The following SLC38A9 variants were observed in gnomAD, a reference collection of about 807,000 sequenced individuals.
SLC38A9 encodes solute carrier family 38 member 9.
SLC38A9 carries 48 observed loss-of-function variants against 62.3 expected under a neutral mutation model. That is an observed-to-expected ratio of 0.77 (90% CI 0.61 to 0.98). SLC38A9 has a LOEUF of 0.98. SLC38A9 is among the 50% of genes least tolerant of loss of function. The probability of loss-of-function intolerance (pLI) is 0.00; values close to 1 mark genes in which losing one functional copy is unlikely to be tolerated. For missense variants in SLC38A9, 541 were observed against 679.8 expected (o/e 0.80, Z 2.27); for synonymous variants, 204 against 227.7 (o/e 0.90, Z 0.94).
At chr5:55,667,560 G>A (rs1750672798) in intron 7 of SLC38A9, among the ~76,000 whole-genome samples, 1 of 4,816 alleles carries the variant, frequency 2.1e-4, no homozygotes, top group Non-Finnish European at 3.6e-4. Context: ...CTTATCTTAG[G>A]CACAGGATAT....
At chr5:55,684,632 T>C (rs2408209) in intron 3 of SLC38A9, among the ~76,000 whole-genome samples, 83,086 of 152,012 alleles carry the variant, frequency 0.55, 24,053 homozygotes, top group South Asian at 0.65. Flanking sequence ...AAGACTCTGG[T>C]TTTTGTTGTT....
chr5:55,696,789 C>A (rs181426302), intron 3 of SLC38A9: 71,647 of 142,456 alleles, frequency 0.5, 18,261 homozygotes, highest in Non-Finnish European at 0.6. Context: ...GGTGGAGAGG[C>A]TCCTCACTTC....
Position 55,678,808 on chromosome 5 carries a change from G to A in SLC38A9, c.114-6113C>T, listed in dbSNP as rs182967558. On this transcript the variant is annotated intron_variant, in intron 3 of 15. Coordinates refer to ENST00000396865, the MANE Select transcript of SLC38A9 (RefSeq NM_173514.4). ...CCCGAGTAGCTGGGACTACAGGCAT[G>A]TGCCACATGCCTGATTAATTTTTTT... Among the ~76,000 whole-genome samples, 15 of 151,820 alleles carry A rather than the reference G, an allele frequency of 9.9e-5. No individual in the cohort carries two copies. The East Asian group carries it at 2.9e-3, about 29-fold the overall frequency.
rs1283174181 is a variant in SLC38A9 at position 55,669,222 on chromosome 5, T to G, written c.526+6A>C. 1.2e-6 allele frequency: 2 copies of G among 1,605,258 alleles called. No homozygotes were observed. The highest frequency in any genetic ancestry group is 1.7e-6 in the Non-Finnish European group (2 of 1,174,746). On this transcript the variant is annotated splice_donor_region_variant and intron_variant, in intron 7 of 15. Transcript: ENST00000396865. ...ATAATCTATTGTCACTGTGTCAAAT[T>G]CTTACACATCATAGTCCGTGATTTC... is the stretch of plus-strand genomic sequence containing the variant.
intron 3 of SLC38A9, among the ~76,000 whole-genome samples, chr5:55,679,706 T>G (rs1004381355): frequency 6.6e-6 from 1 of 152,168 alleles, no homozygotes; most frequent in Non-Finnish European, 1.5e-5. Flanking sequence ...TCTAGGTTGA[T>G]GTAAACAGTA....
chr5:55,649,228 G>T lies in SLC38A9; in HGVS notation c.1039C>A (p.Pro347Thr), dbSNP rs759594755. Residue 347 changes from proline to threonine, a missense_variant, in exon 11 of 16, where the codon CCA (proline) becomes ACA (threonine). Coordinates refer to ENST00000396865, the MANE Select transcript of SLC38A9 (RefSeq NM_173514.4). ...GFHLEFHWFIPTEFFVPEIRF... is the reference protein window; with the variant it reads ...GFHLEFHWFITTEFFVPEIRF... ...TCACCTGGTACAAAAAATTCTGTTG[G>T]TATAAACCAATGAAATTCCAAATGA... 1 of 1,604,710 alleles carries T rather than the reference G, an allele frequency of 6.2e-7. No individual in the cohort carries two copies. The highest frequency in any genetic ancestry group is 8.5e-7 in the Non-Finnish European group (1 of 1,175,850).
chr5:55,705,575 T>G (rs1449160426), intron 2 of SLC38A9, among the ~76,000 whole-genome samples: 1 of 152,226 alleles, frequency 6.6e-6, no homozygotes, highest in Non-Finnish European at 1.5e-5. Flanking sequence ...AAATGTTATT[T>G]CCAGTATACT....
chr5:55,663,763 G>C (rs1750021819), intron 8 of SLC38A9, among the ~76,000 whole-genome samples: 1 of 151,812 alleles, frequency 6.6e-6, no homozygotes, highest in South Asian at 2.1e-4. Context: ...AAAAATGCTT[G>C]GCAATAAAAA....
intron 3 of SLC38A9, among the ~76,000 whole-genome samples, chr5:55,686,084 C>T (rs763578263): frequency 1.8e-4 from 28 of 152,098 alleles, no homozygotes; most frequent in Non-Finnish European, 1.0e-4. Context: ...TTGCAGTGAA[C>T]GTATGTGTAC....
chr5:55,707,735 T>C (rs1757465946), intron 2 of SLC38A9, among the ~76,000 whole-genome samples: 1 of 152,240 alleles, frequency 6.6e-6, no homozygotes, highest in Admixed American at 6.5e-5. Context: ...CAGCTATGAT[T>C]TGAATGTTTG....
intron 3 of SLC38A9, among the ~76,000 whole-genome samples, chr5:55,689,441 A>G (rs764650606): frequency 6.6e-6 from 1 of 152,220 alleles, no homozygotes; most frequent in Non-Finnish European, 1.5e-5. Context: ...TGCCTCCATC[A>G]ATTCAATAAT....
chr5:55,639,870 A>G (rs1161678341), intron 12 of SLC38A9, among the ~76,000 whole-genome samples: 1 of 151,972 alleles, frequency 6.6e-6, no homozygotes, highest in Non-Finnish European at 1.5e-5. Context: ...GTAATTATTA[A>G]TATTTTAAGA....
intron 9 of SLC38A9, among the ~76,000 whole-genome samples, chr5:55,654,898 C>T (rs1379149305): frequency 6.6e-6 from 1 of 152,020 alleles, no homozygotes; most frequent in Non-Finnish European, 1.5e-5. Flanking sequence ...AGGGCAGTGG[C>T]GTAACTATGG....
Position 55,666,899 on chromosome 5 carries a change from C to T in SLC38A9, c.527-2036G>A, listed in dbSNP as rs1271251166. Among the ~76,000 whole-genome samples, 7 of 152,184 alleles carry T rather than the reference C, an allele frequency of 4.6e-5. No homozygotes were observed. The East Asian group carries it at 1.4e-3, about 29-fold the overall frequency. ...GCGTGGTGGTGGGTGCCTGTAGTTC[C>T]AGCTACTCGGGAGGCTGAGGCAGGA... On this transcript the variant is annotated intron_variant, in intron 7 of 15. Coordinates refer to ENST00000396865, the MANE Select transcript of SLC38A9 (RefSeq NM_173514.4).
intron 7 of SLC38A9, 37 bp from the exon 8 acceptor site, chr5:55,664,900 G>A: frequency 1.5e-6 from 2 of 1,365,958 alleles, no homozygotes; most frequent in Non-Finnish European, 2.0e-6. Context: ...ACTAAATGTT[G>A]AACATATATT....
chr5:55,685,379 G>T (rs1373283760), intron 3 of SLC38A9, among the ~76,000 whole-genome samples: 2 of 152,060 alleles, frequency 1.3e-5, no homozygotes, highest in Non-Finnish European at 2.9e-5. Context: ...TTTTTGTGTG[G>T]TTTCTTTCAC....
chr5:55,688,503 C>T (rs1754277639), intron 3 of SLC38A9, among the ~76,000 whole-genome samples: 2 of 151,190 alleles, frequency 1.3e-5, no homozygotes, highest in Admixed American at 6.6e-5. Context: ...CCTCAGTCTC[C>T]AGAGTAGCTG....
chr5:55,657,323 C>T (rs1748632942), intron 8 of SLC38A9, among the ~76,000 whole-genome samples: 1 of 152,082 alleles, frequency 6.6e-6, no homozygotes, highest in South Asian at 2.1e-4. Context: ...AAAAATCTAT[C>T]CACAACACTG....
intron 14 of SLC38A9, among the ~76,000 whole-genome samples, chr5:55,630,113 G>C (rs770974305): frequency 6.6e-6 from 1 of 152,136 alleles, no homozygotes; most frequent in Non-Finnish European, 1.5e-5. Flanking sequence ...TATCAAAGAA[G>C]AATATCCACA....
Sources: gnomAD v4.1 joint callset for allele counts (sites outside exome capture counted in the v4.1 genomes callset) on GRCh38, gnomAD v4.1.1 for gene constraint, MANE v1.5 for transcripts, NCBI Gene and HGNC (gene_info 2026-07-23, HGNC 2026-07-21) for gene names.